Variants in KCNQ5 observed in about 807,000 individuals in gnomAD.
KCNQ5 encodes potassium voltage-gated channel subfamily Q member 5.
A neutral mutation model predicts 98.2 loss-of-function variants in KCNQ5; 30 were observed. The observed-to-expected ratio is 0.31, with a 90% confidence interval of 0.23 to 0.41. The LOEUF is 0.41. KCNQ5 is among the 10% of genes least tolerant of loss of function. The pLI is 1.00. For synonymous variants in KCNQ5, 458 were observed against 449.4 expected (o/e 1.02, Z -0.24); for missense variants, 835 against 1,182.5 (o/e 0.71, Z 4.31).
chr6:72,637,942 G>A lies in KCNQ5; in HGVS notation c.398+15355G>A, dbSNP rs150474741. ...AAGTATTTTTCTCTAGAAGAAACCC[G>A]GGTAAGTTCCCTTAGCTTCAGATCC... On this transcript the variant is annotated intron_variant, in intron 1 of 13. Transcript: ENST00000370398. Among the ~76,000 whole-genome samples the A allele has an allele frequency of 3.9e-4, 59 of 152,230 alleles. 1 individual carries two copies. The highest frequency in any genetic ancestry group is 1.3e-3 in the African/African-American group (55 of 41,546).
At chr6:73,041,783 T>G (rs1268588329) in intron 2 of KCNQ5, among the ~76,000 whole-genome samples, 153 bp from the exon 3 acceptor site, 1 of 152,188 alleles carries the variant, frequency 6.6e-6, no homozygotes, top group Non-Finnish European at 1.5e-5. Context: ...CCAGATTTAG[T>G]TTGATCTGGA....
intron 1 of KCNQ5, among the ~76,000 whole-genome samples, chr6:72,885,197 A>G (rs1049447258): frequency 2.0e-5 from 3 of 152,196 alleles, no homozygotes; most frequent in Non-Finnish European, 4.4e-5. Flanking sequence ...TGCAGGGACG[A>G]TTTCAATTTT....
At chr6:73,022,660 G>A (rs1478247266) in intron 2 of KCNQ5, among the ~76,000 whole-genome samples, 1 of 152,116 alleles carries the variant, frequency 6.6e-6, no homozygotes, top group East Asian at 1.9e-4. Flanking sequence ...CTAGTTCTAA[G>A]TTAAGTGCCC....
At chr6:72,639,181 G>T (rs1213536055) in intron 1 of KCNQ5, among the ~76,000 whole-genome samples, 1 of 152,130 alleles carries the variant, frequency 6.6e-6, no homozygotes, top group Non-Finnish European at 1.5e-5. Flanking sequence ...GGCATCTTGG[G>T]AAATGAGAAG....
At chr6:72,974,999 A>G (rs1012879046) in intron 1 of KCNQ5, among the ~76,000 whole-genome samples, 2 of 152,112 alleles carry the variant, frequency 1.3e-5, no homozygotes, top group Non-Finnish European at 2.9e-5. Context: ...GGCCTCCCAA[A>G]GTGCTAGGAT....
intron 1 of KCNQ5, among the ~76,000 whole-genome samples, chr6:72,660,950 CTT>C (rs1250549961): frequency 1.3e-5 from 2 of 151,950 alleles, no homozygotes; most frequent in African/African-American, 4.8e-5. Context: ...AAAAAGTACT[CTT>C]TTAAAATTTA....
intron 1 of KCNQ5, among the ~76,000 whole-genome samples, chr6:72,632,063 C>A (rs973261675): frequency 2.0e-5 from 3 of 152,064 alleles, no homozygotes; most frequent in African/African-American, 7.2e-5. Flanking sequence ...GGCTGAGAGC[C>A]ACACATGCTT....
intron 1 of KCNQ5, among the ~76,000 whole-genome samples, chr6:72,871,028 A>C (rs1299397548): frequency 6.6e-6 from 1 of 152,202 alleles, no homozygotes; most frequent in East Asian, 1.9e-4. Flanking sequence ...CTGAGAATAC[A>C]CACACATAGG....
intron 1 of KCNQ5, among the ~76,000 whole-genome samples, chr6:72,777,664 T>G (rs551769325): frequency 6.6e-6 from 1 of 152,338 alleles, no homozygotes; most frequent in South Asian, 2.1e-4. Context: ...AAAGGTACCT[T>G]CTTGCCCTAC....
intron 1 of KCNQ5, among the ~76,000 whole-genome samples, chr6:72,809,107 C>T (rs1775103557): frequency 1.3e-5 from 2 of 151,362 alleles, no homozygotes; most frequent in Admixed American, 6.6e-5. Flanking sequence ...ATGGATGAAA[C>T]TGGAAACCAT....
chr6:72,645,687 G>C (rs1349116475), intron 1 of KCNQ5, among the ~76,000 whole-genome samples: 2 of 152,076 alleles, frequency 1.3e-5, no homozygotes, highest in Non-Finnish European at 2.9e-5. Context: ...CCCACTCAGA[G>C]TTCTTGGATC....
intron 1 of KCNQ5, among the ~76,000 whole-genome samples, chr6:72,766,567 G>A (rs1772583930): frequency 6.6e-6 from 1 of 152,002 alleles, no homozygotes. Context: ...TGGTAGCAGT[G>A]GAAGTAGTAA....
chr6:73,098,406 T>C (rs1774613983), intron 5 of KCNQ5, among the ~76,000 whole-genome samples: 1 of 152,062 alleles, frequency 6.6e-6, no homozygotes, highest in Non-Finnish European at 1.5e-5. Context: ...AATATTCAAG[T>C]AAAAGAAGGC....
intron 2 of KCNQ5, among the ~76,000 whole-genome samples, chr6:73,017,468 G>C (rs1366194394): frequency 1.3e-5 from 2 of 152,066 alleles, no homozygotes; most frequent in Non-Finnish European, 2.9e-5. Context: ...AAAACCAAAA[G>C]CTGGAAGCAA....
chr6:72,781,602 G>A (rs1399621673), intron 1 of KCNQ5, among the ~76,000 whole-genome samples: 4 of 151,868 alleles, frequency 2.6e-5, no homozygotes, highest in African/African-American at 9.7e-5. Flanking sequence ...GGATTCCCTG[G>A]GGCAAATCTT....
At position 72,791,227 on chromosome 6, in the gene KCNQ5, T is replaced by C. The variant is rs1405626404; in HGVS notation, c.398+168640T>C. 3.3e-5 allele frequency among the ~76,000 whole-genome samples: 5 copies of C among 152,180 alleles called. No homozygotes were observed. In the East Asian group the frequency reaches 9.7e-4, roughly 29 times the overall value. On this transcript the variant is annotated intron_variant, in intron 1 of 13. Transcript: ENST00000370398. Reference sequence around the variant, plus strand: ...ACAGCAGCTATGCATATGAGAGCAATAGAAAAGAGGCCAAAGTGTGCTGTA... The same window carrying C: ...ACAGCAGCTATGCATATGAGAGCAACAGAAAAGAGGCCAAAGTGTGCTGTA...
intron 9 of KCNQ5, among the ~76,000 whole-genome samples, chr6:73,124,936 GA>G (rs1354773528): frequency 1.3e-5 from 1 of 76,278 alleles, no homozygotes; most frequent in Non-Finnish European, 2.6e-5. Context: ...CTTTTGGAGT[GA>G]TATATATATA....
At chr6:72,874,871 T>C (rs939362963) in intron 1 of KCNQ5, among the ~76,000 whole-genome samples, 3 of 152,194 alleles carry the variant, frequency 2.0e-5, no homozygotes, top group Admixed American at 6.6e-5. Flanking sequence ...GAAAAACACA[T>C]TTCTCAAAAA....
chr6:73,157,950 G>T (rs1777435145), intron 10 of KCNQ5: 2 of 767,992 alleles, frequency 2.6e-6, no homozygotes, highest in South Asian at 2.7e-5. Context: ...CTGTCTCGCG[G>T]TGAGCTTGAG....
Sources: allele counts gnomAD v4.1 joint callset (sites outside exome capture counted in the v4.1 genomes callset), GRCh38; gene constraint gnomAD v4.1.1; transcripts MANE v1.5; gene names NCBI Gene and HGNC (gene_info 2026-07-23, HGNC 2026-07-21).